ABCC8: variants seen among roughly 807,000 people sequenced by gnomAD.
ABCC8 encodes the protein ATP binding cassette subfamily C member 8.
A neutral mutation model predicts 188.0 loss-of-function variants in ABCC8; 137 were observed. That is an observed-to-expected ratio of 0.73 (90% CI 0.63 to 0.84). The LOEUF (loss-of-function observed/expected upper bound fraction) is 0.84. Ranked by LOEUF, ABCC8 falls within the 40% of genes least tolerant of loss-of-function variation. The probability of loss-of-function intolerance (pLI) is 0.00; values close to 1 mark genes in which losing one functional copy is unlikely to be tolerated. For synonymous variants in ABCC8, 797 were observed against 846.5 expected (o/e 0.94, Z 1.01); for missense variants, 1,750 against 2,072.7 (o/e 0.84, Z 3.02).
rs1352191146 is a variant in ABCC8 at position 17,406,661 on chromosome 11, T to G, written c.3290A>C (p.His1097Pro). The G allele has an allele frequency of 6.2e-7, 1 of 1,614,130 alleles. No individual in the cohort carries two copies. Among genetic ancestry groups the G allele is most frequent in the Admixed American group, 1.7e-5 (1 of 60,024 alleles). The change falls in exon 26 of 39, where the codon CAC (histidine) becomes CCC (proline). Residue 1097 changes from histidine to proline, a missense_variant. His to Pro is a moderately conservative substitution (Grantham distance 77, BLOSUM62 -2). Transcript: ENST00000389817. The part of the protein sequence containing the change: ...WTGLKVAKRL[H>P]RSLLNRIILA... ...GATGATCCGGTTTAGCAGGCTGCGG[T>G]GCAGTCTCTTGGCCACCTTCAGCCC...
chr11:17,476,348 C>T (rs886830627), intron 1 of ABCC8, among the ~76,000 whole-genome samples: 8 of 152,252 alleles, frequency 5.3e-5, no homozygotes, highest in African/African-American at 9.6e-5. Context: ...TCCCTTTTCC[C>T]CATCCCAGCT....
At position 17,412,747 on chromosome 11, in the gene ABCC8, C is replaced by T; in HGVS notation, c.2476-1G>A. On this transcript the variant is annotated splice_acceptor_variant, in intron 20 of 38. Transcript: ENST00000389817. LOFTEE classifies it high-confidence loss of function. ...GTTGACCACCAGACAGGTTGATGCC[C>T]TGTCACCAAAGAGGAGGAACACATC... 1 of 1,607,578 alleles carries T rather than the reference C, an allele frequency of 6.2e-7. No homozygotes were observed. The highest frequency in any genetic ancestry group is 8.5e-7 in the Non-Finnish European group (1 of 1,177,028).
intron 6 of ABCC8, among the ~76,000 whole-genome samples, chr11:17,456,040 G>T (rs1956983925): frequency 6.6e-6 from 1 of 151,924 alleles, no homozygotes; most frequent in Non-Finnish European, 1.5e-5. Flanking sequence ...CGAGAAGAGG[G>T]TCCTAGGAAA....
intron 16 of ABCC8, among the ~76,000 whole-genome samples, chr11:17,423,779 G>A (rs923135970): frequency 2.0e-5 from 3 of 152,216 alleles, no homozygotes; most frequent in Non-Finnish European, 4.4e-5. Context: ...TGGCCACAGC[G>A]GCTGCTGGCC....
Position 17,433,057 on chromosome 11 carries a change from C to A in ABCC8, c.1631-813G>T, listed in dbSNP as rs77569396. 1.6e-4 allele frequency among the ~76,000 whole-genome samples: 25 copies of A among 152,266 alleles called. No individual in the cohort carries two copies. In the East Asian group the frequency reaches 4.8e-3, roughly 29 times the overall value. ...AACATGGGTAACAGGCTCTGTGAGC[C>A]CCAGGTGCTGCCTACACATCATACC... On this transcript the variant is annotated intron_variant, in intron 10 of 38. Transcript: ENST00000389817.
chr11:17,471,389 T>C (rs932324522), intron 2 of ABCC8, among the ~76,000 whole-genome samples: 3 of 152,086 alleles, frequency 2.0e-5, no homozygotes, highest in African/African-American at 7.2e-5. Flanking sequence ...AGGAAGGACA[T>C]GAGGAGAGCT....
intron 10 of ABCC8, among the ~76,000 whole-genome samples, chr11:17,434,984 C>CGCATGT (rs71457876): frequency 1.4e-5 from 2 of 144,650 alleles, no homozygotes; most frequent in African/African-American, 5.3e-5. Flanking sequence ...CGTGTGTTCG[C>CGCATGT]GTGTGTGTGT....
chr11:17,468,612 A>G (rs1848299490), intron 3 of ABCC8, among the ~76,000 whole-genome samples: 1 of 152,234 alleles, frequency 6.6e-6, no homozygotes, highest in African/African-American at 2.4e-5. Context: ...AGGGAAAATA[A>G]TAATGGTACC....
Position 17,396,222 on chromosome 11 carries a change from C to T in ABCC8, c.4120-292G>A, listed in dbSNP as rs1294994803. On this transcript the variant is annotated intron_variant, in intron 33 of 38. Transcript: ENST00000389817. ...ACTTGGCTGAAGGAGAGCTGGGGGG[C>T]AGTGGTGTGTCTCTATGGGCATGGG... The T allele has an allele frequency of 7.3e-6, 4 of 551,724 alleles. No individual in the cohort carries two copies. The Admixed American group carries it at 9.6e-5, about 13-fold the overall frequency. 34.2% of individuals were successfully genotyped at this position (551,724 alleles called of 1,614,324 possible). A position where few individuals can be genotyped will look rare whatever the true frequency, so the allele number is the denominator to read the frequency against.
chr11:17,395,803 C>A, intron 34 of ABCC8, 49 bp downstream of exon 34: 1 of 1,555,618 alleles, frequency 6.4e-7, no homozygotes, highest in Non-Finnish European at 8.7e-7. Context: ...GGGCTGAGGC[C>A]TCATCTGGTG....
In ABCC8 at chr11:17,457,063, T is replaced by C. The variant is rs183679069; in HGVS notation, c.1011+3425A>G. Reference sequence around the variant, plus strand: ...AAGGCTCCCTGGAGCAGGTGACATTTGAGCAGAGTCTTGATGGCCAAGAAG... The same window carrying C: ...AAGGCTCCCTGGAGCAGGTGACATTCGAGCAGAGTCTTGATGGCCAAGAAG... On this transcript the variant is annotated intron_variant, in intron 6 of 38. Transcript: ENST00000389817. Among the ~76,000 whole-genome samples, 19 of 152,232 alleles carry C rather than the reference T, an allele frequency of 1.2e-4. No homozygotes were observed. In the East Asian group the frequency reaches 3.5e-3, roughly 28 times the overall value.
chr11:17,394,523 C>A, intron 36 of ABCC8, 124 bp from the exon 37 acceptor site: 1 of 1,522,456 alleles, frequency 6.6e-7, no homozygotes, highest in South Asian at 1.2e-5. Context: ...GGGTGTGTGT[C>A]CAAGAGCACA....
rs1191652273 is a variant in ABCC8, at chr11:17,428,331, C to G, written c.1998G>C (p.Leu666=). Residue 666 remains leucine (L), a synonymous_variant, in exon 14 of 39, where the codon CTG becomes CTC. Transcript: ENST00000389817. The part of the protein sequence containing the change: ...CRGLTGPLQS[L]VPSADGDADN... Reference sequence around the variant, plus strand: ...CAGCATCGCCATCTGCACTGGGGACCAGGCTCTGCAGTGGGCCGGTGAGGC... The same window carrying G: ...CAGCATCGCCATCTGCACTGGGGACGAGGCTCTGCAGTGGGCCGGTGAGGC... The G allele has an allele frequency of 1.5e-5, 25 of 1,614,064 alleles. No individual in the cohort carries two copies. The highest frequency in any genetic ancestry group is 2.0e-5 in the Non-Finnish European group (24 of 1,180,038).
At chr11:17,441,054 C>T (rs1046589033) in intron 10 of ABCC8, among the ~76,000 whole-genome samples, 1 of 152,208 alleles carries the variant, frequency 6.6e-6, no homozygotes, top group East Asian at 1.9e-4. Context: ...CTTCCCTCCC[C>T]CACCAGGTGT....
intron 5 of ABCC8, 128 bp downstream of exon 5, chr11:17,461,455 T>G: frequency 7.9e-7 from 1 of 1,257,986 alleles, no homozygotes; most frequent in Non-Finnish European, 1.1e-6. Flanking sequence ...GGCAAGCTTC[T>G]TCCCCTCACC....
At chr11:17,460,143 G>A (rs1957132159) in intron 6 of ABCC8, among the ~76,000 whole-genome samples, 1 of 152,200 alleles carries the variant, frequency 6.6e-6, no homozygotes, top group African/African-American at 2.4e-5. Flanking sequence ...AGTTTACTAA[G>A]ATGACATGAA....
At position 17,463,543 on chromosome 11, in the gene ABCC8, C is replaced by A; in HGVS notation, c.474G>T (p.Leu158Phe). ...GCTGCGAGAAGCCGATGGCGTGGTC[C>A]AAGAACTTGACAAACTTGATGGTCT... ...ITKTIKFVKFLDHAIGFSQLR... is the reference protein window; with the variant it reads ...ITKTIKFVKFFDHAIGFSQLR... Residue 158 changes from leucine (L) to phenylalanine (F), a missense_variant, in exon 4 of 39, where the codon TTG (leucine) becomes TTT (phenylalanine). Physicochemically the swap from Leu to Phe is conservative, Grantham distance 22 (BLOSUM62 0). Transcript: ENST00000389817. 6.3e-7 allele frequency: 1 copy of A among 1,596,406 alleles called. No individual in the cohort carries two copies. The highest frequency in any genetic ancestry group is 2.3e-5 in the East Asian group (1 of 44,350).
chr11:17,475,327 C>T (rs1345271065), intron 1 of ABCC8, among the ~76,000 whole-genome samples: 1 of 152,194 alleles, frequency 6.6e-6, no homozygotes, highest in Non-Finnish European at 1.5e-5. Flanking sequence ...AAGTGATCCT[C>T]CCGCCTCAGC....
At chr11:17,451,830 C>A (rs1419075321) in intron 7 of ABCC8, among the ~76,000 whole-genome samples, 1 of 152,242 alleles carries the variant, frequency 6.6e-6, no homozygotes, top group African/African-American at 2.4e-5. Flanking sequence ...GCCACTTTCT[C>A]ACCAATGGGA....
Sources: gnomAD v4.1 joint callset for allele counts (sites outside exome capture counted in the v4.1 genomes callset) on GRCh38, gnomAD v4.1.1 for gene constraint, MANE v1.5 for transcripts, NCBI Gene and HGNC (gene_info 2026-07-23, HGNC 2026-07-21) for gene names.